Variants in MAPK10 observed in about 807,000 individuals in gnomAD.
MAPK10 encodes the protein JNK3 alpha protein kinase.
MAPK10 carries 25 observed loss-of-function variants against 59.3 expected under a neutral mutation model. The observed-to-expected ratio is 0.42, with a 90% CI of 0.31 to 0.59. MAPK10 has a LOEUF of 0.59. Ranked by LOEUF, MAPK10 falls within the 20% of genes least tolerant of loss-of-function variation. The pLI, the probability that MAPK10 is intolerant of heterozygous loss-of-function variation, is 0.15. For synonymous variants in MAPK10, 190 were observed against 200.5 expected (o/e 0.95, Z 0.44); for missense variants, 351 against 568.9 (o/e 0.62, Z 3.90).
At chr4:86,304,397 T>C (rs905885391) in intron 2 of MAPK10, among the ~76,000 whole-genome samples, 6 of 145,400 alleles carry the variant, frequency 4.1e-5, no homozygotes, top group East Asian at 2.0e-4. Context: ...CTTTTTTTTT[T>C]TTTTTTTTTT....
intron 1 of MAPK10, among the ~76,000 whole-genome samples, chr4:86,390,122 C>G (rs1742005126): frequency 6.6e-6 from 1 of 152,138 alleles, no homozygotes. Flanking sequence ...TATTTAAATA[C>G]TGAAATGCAT....
At chr4:86,139,718 A>G (rs1372471337) in intron 4 of MAPK10, among the ~76,000 whole-genome samples, 2 of 152,160 alleles carry the variant, frequency 1.3e-5, no homozygotes, top group African/African-American at 4.8e-5. Flanking sequence ...CTGCACAGCA[A>G]AAGAAACTAC....
intron 9 of MAPK10, among the ~76,000 whole-genome samples, chr4:86,073,269 T>C (rs928684106): frequency 6.7e-6 from 1 of 148,740 alleles, no homozygotes; most frequent in Non-Finnish European, 1.5e-5. Context: ...TTGTGTCTAT[T>C]TGGTTCTTCT....
intron 1 of MAPK10, among the ~76,000 whole-genome samples, chr4:86,413,335 G>T (rs1406837366): frequency 2.0e-5 from 3 of 152,174 alleles, no homozygotes; most frequent in Non-Finnish European, 4.4e-5. Context: ...CTACTGGGAG[G>T]TTTCTCCTAG....
intron 4 of MAPK10, among the ~76,000 whole-genome samples, chr4:86,114,572 C>T (rs572346018): frequency 5.6e-4 from 85 of 152,338 alleles, no homozygotes; most frequent in African/African-American, 1.8e-3. Context: ...AAGCTCCATA[C>T]CAGAGGGGCA....
Position 86,236,178 on chromosome 4 carries a change from C to A in MAPK10, c.-6-41771G>T, listed in dbSNP as rs1448212717. Among the ~76,000 whole-genome samples the A allele has an allele frequency of 2.0e-5, 3 of 152,146 alleles. No individual in the cohort carries two copies. The East Asian group carries it at 5.8e-4, about 29-fold the overall frequency. ...CCTTCCTACCTCCCTCTTATAATGA[C>A]CCTTGTGATTATATTGGGCCCACTT... On this transcript the variant is annotated intron_variant, in intron 2 of 13. Transcript: ENST00000641462.
chr4:86,329,728 C>A (rs956741305), intron 2 of MAPK10, among the ~76,000 whole-genome samples: 5 of 152,282 alleles, frequency 3.3e-5, no homozygotes, highest in Non-Finnish European at 7.4e-5. Flanking sequence ...TGCTGAATAA[C>A]CTTATCCTCT....
chr4:86,223,410 C>A (rs993923046), intron 2 of MAPK10, among the ~76,000 whole-genome samples: 3 of 152,258 alleles, frequency 2.0e-5, no homozygotes, highest in Non-Finnish European at 1.5e-5. Flanking sequence ...TTGTCCTGTT[C>A]GGCACCATAC....
chr4:86,293,472 C>A (rs899211708), intron 2 of MAPK10, among the ~76,000 whole-genome samples: 1 of 152,132 alleles, frequency 6.6e-6, no homozygotes, highest in Non-Finnish European at 1.5e-5. Context: ...TACTAGTAAC[C>A]CTGCTTATAC....
intron 2 of MAPK10, among the ~76,000 whole-genome samples, chr4:86,287,945 C>T (rs1009659441): frequency 2.6e-5 from 4 of 152,112 alleles, no homozygotes; most frequent in African/African-American, 7.2e-5. Flanking sequence ...TACCTAGATA[C>T]AGTCTTCTGA....
At chr4:86,155,961 T>C (rs554144143) in intron 4 of MAPK10, among the ~76,000 whole-genome samples, 1 of 152,146 alleles carries the variant, frequency 6.6e-6, no homozygotes, top group East Asian at 1.9e-4. Flanking sequence ...ACAGCCTGGA[T>C]ATGCTACACA....
chr4:86,386,498 C>T (rs943794131), intron 1 of MAPK10, among the ~76,000 whole-genome samples: 1 of 152,094 alleles, frequency 6.6e-6, no homozygotes, highest in Non-Finnish European at 1.5e-5. Flanking sequence ...TTCATTGGTT[C>T]GCTTGGGTCT....
chr4:86,088,004 G>A (rs913550867), intron 9 of MAPK10, among the ~76,000 whole-genome samples: 2 of 152,120 alleles, frequency 1.3e-5, no homozygotes, highest in African/African-American at 4.8e-5. Context: ...TATTTTTGAA[G>A]TGTTTTATTA....
At chr4:86,400,100 C>T (rs1743495676) in intron 1 of MAPK10, among the ~76,000 whole-genome samples, 1 of 152,104 alleles carries the variant, frequency 6.6e-6, no homozygotes, top group Admixed American at 6.5e-5. Context: ...ATATTTTTCA[C>T]ATTTTATGGT....
At chr4:86,335,873 C>T (rs987894201) in intron 2 of MAPK10, among the ~76,000 whole-genome samples, 2 of 152,130 alleles carry the variant, frequency 1.3e-5, no homozygotes, top group African/African-American at 2.4e-5. Context: ...GGGGAAACCG[C>T]CTCCATGAGC....
At chr4:86,452,682 A>G (rs1564893302) in intron 1 of MAPK10, among the ~76,000 whole-genome samples, 1 of 152,204 alleles carries the variant, frequency 6.6e-6, no homozygotes, top group Non-Finnish European at 1.5e-5. Context: ...GCCTATAAAA[A>G]TAGCTTGGAT....
At chr4:86,374,087 A>G (rs1739373690) in intron 1 of MAPK10, among the ~76,000 whole-genome samples, 1 of 152,172 alleles carries the variant, frequency 6.6e-6, no homozygotes, top group Non-Finnish European at 1.5e-5. Context: ...AAAAAAAAGG[A>G]TGAGCTCATG....
chr4:86,037,277 T>C (rs1044366741), intron 11 of MAPK10, among the ~76,000 whole-genome samples: 1 of 152,168 alleles, frequency 6.6e-6, no homozygotes, highest in Admixed American at 6.5e-5. Flanking sequence ...TCCCAGGCCT[T>C]TGGGAGGCCG....
rs937096486 is a variant in MAPK10, at chr4:86,012,033, T to C, written c.*5195A>G. ...GGCTTTTACCTTTTCTCTTGGAAAA[T>C]AGTTAAAATGAATAGAAATCTGATA... On this transcript the variant is annotated 3_prime_UTR_variant, in exon 14 of 14. Transcript: ENST00000641462. The C allele has an allele frequency of 3.9e-5, 6 of 152,152 alleles. No homozygotes were observed. Among genetic ancestry groups the C allele is most frequent in the Admixed American group, 1.3e-4 (2 of 15,270 alleles). 9.4% of individuals were successfully genotyped at this position (152,152 alleles called of 1,614,324 possible).
Sources: gnomAD v4.1 joint callset for allele counts (sites outside exome capture counted in the v4.1 genomes callset) on GRCh38, gnomAD v4.1.1 for gene constraint, MANE v1.5 for transcripts, NCBI Gene and HGNC (gene_info 2026-07-23, HGNC 2026-07-21) for gene names.